Variants in PCDH15 observed in about 807,000 individuals in gnomAD.
PCDH15 encodes protocadherin-15.
PCDH15 carries 129 observed loss-of-function variants against 178.5 expected under a neutral mutation model. That is an observed-to-expected ratio of 0.72 (90% confidence interval 0.63 to 0.84). The LOEUF (loss-of-function observed/expected upper bound fraction) is 0.84, where lower values mean the gene tolerates loss of function less well. Among genes scored for constraint, PCDH15 ranks in the 40% least tolerant of loss-of-function variants. The probability of loss-of-function intolerance (pLI) is 0.00; values close to 1 mark genes in which losing one functional copy is unlikely to be tolerated. For missense variants in PCDH15, 2,230 were observed against 2,099.9 expected (o/e 1.06, Z -1.21); for synonymous variants, 800 against 732.0 (o/e 1.09, Z -1.50).
intron 2 of PCDH15, among the ~76,000 whole-genome samples, chr10:54,594,480 C>T (rs1042916127): frequency 6.6e-6 from 1 of 152,130 alleles, no homozygotes; most frequent in Non-Finnish European, 1.5e-5. Context: ...CCCCCCCAGG[C>T]ACCTCAAGGG....
At chr10:54,302,254 A>G (rs558298553) in intron 8 of PCDH15, among the ~76,000 whole-genome samples, 2 of 152,332 alleles carry the variant, frequency 1.3e-5, no homozygotes, top group South Asian at 4.1e-4. Context: ...TGGTAAAATC[A>G]GGTCAATAAC....
At chr10:54,512,359 T>TTGTGTGTGTGTG (rs200575121) in intron 3 of PCDH15, among the ~76,000 whole-genome samples, 7,607 of 133,868 alleles carry the variant, frequency 0.057, 361 homozygotes, top group Admixed American at 0.14. Context: ...ATTTCTGGCA[T>TTGTGTGTGTGTG]TGTGTGTGTG....
intron 20 of PCDH15, among the ~76,000 whole-genome samples, chr10:54,001,618 C>T (rs1293471245): frequency 6.6e-6 from 1 of 151,816 alleles, no homozygotes; most frequent in African/African-American, 2.4e-5. Context: ...CCAGAGTATA[C>T]TACCTTCACT....
At chr10:55,487,638 C>T (rs1840323354) in intron 2 of PCDH15, among the ~76,000 whole-genome samples, 1 of 151,646 alleles carries the variant, frequency 6.6e-6, no homozygotes, top group Non-Finnish European at 1.5e-5. Context: ...CTTTTGATTA[C>T]TGCTAGAGTG....
intron 10 of PCDH15, among the ~76,000 whole-genome samples, chr10:54,202,669 G>A (rs1391313048): frequency 1.3e-5 from 2 of 151,830 alleles, no homozygotes; most frequent in African/African-American, 2.4e-5. Context: ...ACAATTAGCC[G>A]GGCATGGCGC....
chr10:53,826,622 CTG>C (rs2076696783), intron 32 of PCDH15, among the ~76,000 whole-genome samples: 1 of 152,010 alleles, frequency 6.6e-6, no homozygotes, highest in East Asian at 1.9e-4. Context: ...TACTGACAAA[CTG>C]AACATCACCA....
At chr10:54,204,129 G>A (rs1052641981) in intron 10 of PCDH15, among the ~76,000 whole-genome samples, 2 of 152,170 alleles carry the variant, frequency 1.3e-5, no homozygotes, top group Middle Eastern at 3.4e-3. Context: ...GGATTCAAAC[G>A]TGAATTACTT....
chr10:53,823,743 T>A (rs1393699055), intron 32 of PCDH15: 1 of 460,784 alleles, frequency 2.2e-6, no homozygotes, highest in Admixed American at 2.3e-5. Flanking sequence ...TGCCTGAGGA[T>A]GCTCAGGGCT....
At chr10:55,364,027 A>G (rs1270282622) in intron 2 of PCDH15, among the ~76,000 whole-genome samples, 2 of 152,262 alleles carry the variant, frequency 1.3e-5, no homozygotes, top group African/African-American at 2.4e-5. Context: ...TAATTGAAAC[A>G]TGGGGGTGGT....
At chr10:54,589,549 T>C (rs1565678851) in intron 2 of PCDH15, among the ~76,000 whole-genome samples, 1 of 152,248 alleles carries the variant, frequency 6.6e-6, no homozygotes, top group East Asian at 1.9e-4. Context: ...TTGTTTATCA[T>C]TTATGTCTAT....
chr10:55,156,721 C>T (rs1254255535), intron 2 of PCDH15, among the ~76,000 whole-genome samples: 1 of 152,046 alleles, frequency 6.6e-6, no homozygotes, highest in Non-Finnish European at 1.5e-5. Context: ...TGATAATGAC[C>T]TTATTCCAGA....
chr10:54,464,765 GTATC>G lies in PCDH15; in HGVS notation c.157+63043_157+63046del, dbSNP rs144988109. ...CGGTTGACCTTATTTCCAAGGTTGA[GTATC>G]TAGCTAGCTAGCTATTTTAAACAAG... On this transcript the variant is annotated intron_variant, in intron 3 of 37. Transcript: ENST00000644397. Among the ~76,000 whole-genome samples, 844 of 152,238 alleles carry G rather than the reference GTATC, an allele frequency of 5.5e-3. 13 individuals carry two copies. Among genetic ancestry groups the G allele is most frequent in the African/African-American group, 0.02 (820 of 41,558 alleles).
chr10:54,385,073 G>A (rs1949752449), intron 3 of PCDH15, among the ~76,000 whole-genome samples: 2 of 152,080 alleles, frequency 1.3e-5, no homozygotes, highest in Admixed American at 1.3e-4. Flanking sequence ...TCCAGGCAGA[G>A]AGAAAGGTCA....
intron 3 of PCDH15, among the ~76,000 whole-genome samples, chr10:54,831,236 A>G (rs1953222309): frequency 6.6e-6 from 1 of 152,092 alleles, no homozygotes; most frequent in Non-Finnish European, 1.5e-5. Flanking sequence ...GCATTTTTTC[A>G]TGCTCTTAAT....
chr10:53,904,266 G>A (rs7067725), intron 25 of PCDH15, among the ~76,000 whole-genome samples: 76,845 of 151,862 alleles, frequency 0.51, 21,069 homozygotes, highest in Middle Eastern at 0.68. Flanking sequence ...ATTCATTTCA[G>A]TTATGAACAA....
chr10:54,158,730 G>A (rs2045409916), intron 13 of PCDH15, among the ~76,000 whole-genome samples: 1 of 151,864 alleles, frequency 6.6e-6, no homozygotes, highest in Non-Finnish European at 1.5e-5. Context: ...AGCCACAGTT[G>A]ATATAAACCA....
chr10:54,406,082 G>C (rs1173271315), intron 3 of PCDH15, among the ~76,000 whole-genome samples: 1 of 152,066 alleles, frequency 6.6e-6, no homozygotes, highest in African/African-American at 2.4e-5. Flanking sequence ...TTATTGTATG[G>C]AACAGATCTG....
At chr10:54,308,790 G>A (rs1415726097) in intron 8 of PCDH15, among the ~76,000 whole-genome samples, 3 of 149,830 alleles carry the variant, frequency 2.0e-5, no homozygotes, top group African/African-American at 4.9e-5. Flanking sequence ...CCTATTCCCC[G>A]ACCCCCAGAC....
chr10:55,366,476 T>C (rs1385436549), intron 2 of PCDH15, among the ~76,000 whole-genome samples: 2 of 152,170 alleles, frequency 1.3e-5, no homozygotes, highest in Admixed American at 6.6e-5. Context: ...CTTTTTTACT[T>C]CTCTAGATTA....
Sources: gnomAD v4.1 joint callset for allele counts (sites outside exome capture counted in the v4.1 genomes callset) on GRCh38, gnomAD v4.1.1 for gene constraint, MANE v1.5 for transcripts, NCBI Gene and HGNC (gene_info 2026-07-23, HGNC 2026-07-21) for gene names.